Variants in SLC25A43 observed in about 807,000 individuals in gnomAD.
The protein encoded by SLC25A43 is solute carrier family 25, member 43.
SLC25A43 carries 10 observed loss-of-function variants against 22.8 expected under a neutral mutation model. That is an observed-to-expected ratio of 0.44 (90% CI 0.27 to 0.74). SLC25A43 has a LOEUF of 0.74. Among genes scored for constraint, SLC25A43 ranks in the 30% least tolerant of loss-of-function variants. The pLI, the probability that SLC25A43 is intolerant of heterozygous loss-of-function variation, is 0.17. For synonymous variants in SLC25A43, 106 were observed against 121.6 expected (o/e 0.87, Z 0.84); for missense variants, 233 against 279.1 (o/e 0.83, Z 1.18).
chrX:119,441,123 T>C (rs1366775495), intron 3 of SLC25A43, among the ~76,000 whole-genome samples: 5 of 13,688 alleles, frequency 3.7e-4, no homozygotes, highest in East Asian at 2.5e-3. Context: ...ATCAGCGAGA[T>C]TCCGTGGGCG....
chrX:119,424,909 C>T (rs2052489930), intron 3 of SLC25A43, among the ~76,000 whole-genome samples: 1 of 110,783 alleles, frequency 9.0e-6, no homozygotes, highest in Non-Finnish European at 1.9e-5. Context: ...GAGAGCTTTG[C>T]CTTCATGGCC....
chrX:119,444,106 G>A (rs768772035), intron 3 of SLC25A43, among the ~76,000 whole-genome samples: 1 of 111,013 alleles, frequency 9.0e-6, no homozygotes, highest in East Asian at 2.8e-4. Flanking sequence ...GGATTAATGA[G>A]GAAAGATATA....
At chrX:119,426,878 C>A (rs2052510795) in intron 3 of SLC25A43, among the ~76,000 whole-genome samples, 1 of 109,141 alleles carries the variant, frequency 9.2e-6, no homozygotes, top group African/African-American at 3.3e-5. Flanking sequence ...TATAAACACA[C>A]AAATGAGCTG....
chrX:119,446,335 G>A (rs1007288160), intron 3 of SLC25A43, among the ~76,000 whole-genome samples: 2 of 110,833 alleles, frequency 1.8e-5, no homozygotes, highest in African/African-American at 3.3e-5. Flanking sequence ...AGTATCCTGA[G>A]GGAAAGAGAC....
chrX:119,412,136 G>T (rs980435789), intron 3 of SLC25A43, among the ~76,000 whole-genome samples: 1 of 110,942 alleles, frequency 9.0e-6, no homozygotes, highest in Non-Finnish European at 1.9e-5. Context: ...CTGGGCCATC[G>T]CTTACCTCAG....
At chrX:119,423,916 AAAAG>A (rs1236588640) in intron 3 of SLC25A43, 49 of 110,479 alleles carry the variant, frequency 4.4e-4, no homozygotes, top group African/African-American at 1.4e-3. Context: ...AGAAAAAAAA[AAAAG>A]AAAGAAATTA....
chrX:119,432,738 A>C (rs1439872142), intron 3 of SLC25A43, among the ~76,000 whole-genome samples: 1 of 106,811 alleles, frequency 9.4e-6, no homozygotes, highest in Admixed American at 1.0e-4. Context: ...CAGTAAGCCA[A>C]GATCGTGCCA....
At chrX:119,427,991 T>C (rs1486184419) in intron 3 of SLC25A43, among the ~76,000 whole-genome samples, 1 of 112,623 alleles carries the variant, frequency 8.9e-6, no homozygotes, top group Admixed American at 9.4e-5. Flanking sequence ...ACCTTTGTCC[T>C]TAGCCATTCA....
intron 3 of SLC25A43, among the ~76,000 whole-genome samples, chrX:119,415,687 T>A (rs1228207908): frequency 1.1e-5 from 1 of 91,938 alleles, no homozygotes; most frequent in East Asian, 3.5e-4. Context: ...AGAGCAAGAC[T>A]CAGTCTCAAA....
chrX:119,415,969 C>T (rs1205220466), intron 3 of SLC25A43, among the ~76,000 whole-genome samples: 4 of 97,931 alleles, frequency 4.1e-5, no homozygotes, highest in Non-Finnish European at 8.1e-5. Flanking sequence ...ATTTGTGCCA[C>T]CACACTCCAG....
At chrX:119,451,909 C>A (rs764442603) in intron 3 of SLC25A43, 100 bp from the exon 4 acceptor site, 20 of 1,184,537 alleles carry the variant, frequency 1.7e-5, no homozygotes, top group Non-Finnish European at 2.3e-5. Flanking sequence ...GGCCAGGAAC[C>A]CAGCATCCAG....
chrX:119,405,795 G>T (rs1012496927), intron 1 of SLC25A43, among the ~76,000 whole-genome samples: 3 of 109,964 alleles, frequency 2.7e-5, no homozygotes, highest in African/African-American at 9.9e-5. Flanking sequence ...ACTTTGGGAG[G>T]CCGAGCGGGG....
At chrX:119,412,019 T>C (rs1367927802) in intron 3 of SLC25A43, among the ~76,000 whole-genome samples, 1 of 111,905 alleles carries the variant, frequency 8.9e-6, no homozygotes, top group Non-Finnish European at 1.9e-5. Context: ...CAAGTTTAAA[T>C]GAGCAGTCCC....
chrX:119,443,055 T>G (rs892706488), intron 3 of SLC25A43, among the ~76,000 whole-genome samples: 1 of 111,260 alleles, frequency 9.0e-6, no homozygotes, highest in African/African-American at 3.3e-5. Context: ...GAAAGAGGTC[T>G]CTTTGAAAGA....
chrX:119,399,436 A>C lies in SLC25A43; in HGVS notation c.33A>C (p.Thr11=). ...CGTGGAGGCGGGACGGCCGACTGACAGGCGGCCAAAGGCTGCTGTGCGCTG... is the reference window on the plus strand; with the variant it reads ...CGTGGAGGCGGGACGGCCGACTGACCGGCGGCCAAAGGCTGCTGTGCGCTG... MATWRRDGRL[T]GGQRLLCAGL... Residue 11 remains threonine, a synonymous_variant, in exon 1 of 5, where the codon ACA becomes ACC. Coordinates refer to ENST00000217909, the MANE Select transcript of SLC25A43 (RefSeq NM_145305.3). 2.0e-6 allele frequency: 2 copies of C among 1,024,531 alleles called. No homozygotes were observed. The highest frequency in any genetic ancestry group is 4.0e-5 in the African/African-American group (2 of 50,411). The allele number at this position is 1,024,531 out of a possible 1,213,427, so 84.4% of individuals were successfully genotyped here.
At chrX:119,407,161 C>T (rs1296994993) in intron 2 of SLC25A43, among the ~76,000 whole-genome samples, 1 of 111,952 alleles carries the variant, frequency 8.9e-6, no homozygotes, top group Non-Finnish European at 1.9e-5. Flanking sequence ...GGTTGACCAC[C>T]CCTTCTTCTG....
chrX:119,403,439 G>A (rs908546931), intron 1 of SLC25A43, among the ~76,000 whole-genome samples: 3 of 110,948 alleles, frequency 2.7e-5, no homozygotes, highest in African/African-American at 6.6e-5. Flanking sequence ...ACAGGTGCAC[G>A]CCACCATGCC....
At position 119,452,223 on chromosome X, in the gene SLC25A43, TAC is replaced by T. The variant is rs2052711975; in HGVS notation, c.825+82_825+83del. The T allele has an allele frequency of 7.4e-6, 8 of 1,087,311 alleles. No individual in the cohort carries two copies. In the East Asian group the frequency reaches 2.5e-4, roughly 34 times the overall value. The allele number at this position is 1,087,311 out of a possible 1,213,427, so 89.6% of individuals were successfully genotyped here. A position where few individuals can be genotyped will look rare whatever the true frequency, so the allele number is the denominator to read the frequency against. The stretch of plus-strand genomic sequence containing the variant: ...TTCCTTTGTCACCCCCAACCCCTAC[TAC>T]AGTTTGCTTGGAAAACCCCCTCTAG... On this transcript the variant is annotated intron_variant, in intron 4 of 4. Transcript: ENST00000217909.
At chrX:119,441,340 C>T (rs1384330012) in intron 3 of SLC25A43, among the ~76,000 whole-genome samples, 8 of 85,836 alleles carry the variant, frequency 9.3e-5, no homozygotes, top group African/African-American at 3.1e-4. Context: ...GCGCACGGTG[C>T]GCACACACAC....
Sources: gnomAD v4.1 joint callset for allele counts (sites outside exome capture counted in the v4.1 genomes callset) on GRCh38, gnomAD v4.1.1 for gene constraint, MANE v1.5 for transcripts, NCBI Gene and HGNC (gene_info 2026-07-23, HGNC 2026-07-21) for gene names.